The following GUCY1B1 variants were observed in gnomAD, a reference collection of about 807,000 sequenced individuals.
GUCY1B1 encodes the protein guanylate cyclase 1 soluble subunit beta 1, also known as guanylate cyclase soluble subunit beta-1.
Under a neutral mutation model 71.0 loss-of-function variants are expected in GUCY1B1, and 43 were observed. That is an observed-to-expected ratio of 0.61 (90% CI 0.47 to 0.78). GUCY1B1 has a LOEUF of 0.78. Ranked by LOEUF, GUCY1B1 falls within the 30% of genes least tolerant of loss-of-function variation. The pLI is 0.00. For missense variants in GUCY1B1, 535 were observed against 754.1 expected, an observed-to-expected ratio of 0.71 and a Z score of 3.40; for synonymous variants, 266 against 259.7, an observed-to-expected ratio of 1.02 and a Z score of -0.23.
chr4:155,785,372 A>G (rs1438724235), intron 4 of GUCY1B1: 5 of 866,448 alleles, frequency 5.8e-6, no homozygotes, highest in Non-Finnish European at 5.5e-6. Flanking sequence ...ACTTTCATAC[A>G]TATGGACATA....
chr4:155,766,234 T>C (rs1737324992), intron 2 of GUCY1B1, among the ~76,000 whole-genome samples: 1 of 152,222 alleles, frequency 6.6e-6, no homozygotes, highest in African/African-American at 2.4e-5. Context: ...CATGGTGACA[T>C]ATTCAACTAC....
intron 2 of GUCY1B1, among the ~76,000 whole-genome samples, chr4:155,769,169 C>G (rs182381244): frequency 2.8e-4 from 42 of 152,168 alleles, no homozygotes; most frequent in African/African-American, 9.9e-4. Context: ...TTCTGCTAAC[C>G]AACACAATGA....
intron 4 of GUCY1B1, among the ~76,000 whole-genome samples, chr4:155,786,822 G>A (rs1738831200): frequency 6.6e-6 from 1 of 151,752 alleles, no homozygotes; most frequent in Non-Finnish European, 1.5e-5. Context: ...TGGCCAGGCT[G>A]GTTCTCGAAC....
In GUCY1B1 at chr4:155,799,130, C is replaced by A. The variant is rs1739769521; in HGVS notation, c.978-747C>A. 3.3e-5 allele frequency among the ~76,000 whole-genome samples: 5 copies of A among 152,230 alleles called. No individual in the cohort carries two copies. In the South Asian group the frequency reaches 1.0e-3, roughly 32 times the overall value. On this transcript the variant is annotated intron_variant, in intron 8 of 13. Transcript: ENST00000264424. ...GGATTACAGATGTGAGCCACTGTGC[C>A]CAGCCTCAAAGAGTACATTTTTAAA...
chr4:155,788,323 G>A (rs1196964903), intron 4 of GUCY1B1, among the ~76,000 whole-genome samples: 1 of 152,170 alleles, frequency 6.6e-6, no homozygotes, highest in Non-Finnish European at 1.5e-5. Flanking sequence ...TAAAGTCCTG[G>A]AGACCTCTCT....
chr4:155,769,808 G>A (rs747266771), intron 2 of GUCY1B1, among the ~76,000 whole-genome samples: 2 of 151,990 alleles, frequency 1.3e-5, no homozygotes, highest in Non-Finnish European at 2.9e-5. Flanking sequence ...TTTCTCACAT[G>A]TAAAATAAGT....
At position 155,804,677 on chromosome 4, in the gene GUCY1B1, G is replaced by C. The variant is rs1196769265; in HGVS notation, c.1639G>C (p.Val547Leu). 6.2e-7 allele frequency: 1 copy of C among 1,613,310 alleles called. No individual in the cohort carries two copies. The highest frequency in any genetic ancestry group is 8.5e-7 in the Non-Finnish European group (1 of 1,179,450). ...TCGATACTGTCTTTTTGGGAATACT[G>C]TCAACCTCACAAGCCGAACAGAAAC... is the stretch of plus-strand genomic sequence containing the variant. ...MPRYCLFGNTVNLTSRTETTG... is the reference protein window; with the variant it reads ...MPRYCLFGNTLNLTSRTETTG... The change falls in exon 12 of 14, where the codon GTC (valine) becomes CTC (leucine). Residue 547 changes from valine (V) to leucine (L), a missense_variant. Physicochemically the swap from Val to Leu is conservative, Grantham distance 32. Coordinates refer to ENST00000264424, the MANE Select transcript of GUCY1B1 (RefSeq NM_000857.5).
chr4:155,787,289 ACATGGCAATAGCAGCCTCTAGAGG>A (rs1296968671), intron 4 of GUCY1B1, among the ~76,000 whole-genome samples: 1 of 152,212 alleles, frequency 6.6e-6, no homozygotes, highest in Non-Finnish European at 1.5e-5. Context: ...GATTACTTTT[ACATGGCAATAGCAGCCTCTAGAGG>A]CAATCCGGAT....
At chr4:155,785,487 C>T (rs564765400) in intron 4 of GUCY1B1, among the ~76,000 whole-genome samples, 1 of 151,906 alleles carries the variant, frequency 6.6e-6, no homozygotes, top group Admixed American at 6.6e-5. Context: ...CTCTTATTCC[C>T]CAGAATACAT....
chr4:155,804,441 G>T (rs1182282350), intron 11 of GUCY1B1, among the ~76,000 whole-genome samples, 152 bp from the exon 12 acceptor site: 1 of 151,814 alleles, frequency 6.6e-6, no homozygotes, highest in African/African-American at 2.4e-5. Context: ...ATAATGGGTT[G>T]ATAGGTGCAG....
intron 3 of GUCY1B1, among the ~76,000 whole-genome samples, chr4:155,775,782 G>T (rs1738002340): frequency 6.6e-6 from 1 of 151,604 alleles, no homozygotes; most frequent in Non-Finnish European, 1.5e-5. Context: ...ATGAAACTGA[G>T]ATCTACCACA....
chr4:155,771,672 A>G (rs1737701132), intron 2 of GUCY1B1, among the ~76,000 whole-genome samples: 2 of 152,192 alleles, frequency 1.3e-5, no homozygotes, highest in African/African-American at 2.4e-5. Flanking sequence ...TAAGGTATCC[A>G]TATCCGTCAA....
At chr4:155,781,322 T>A (rs1024585975) in intron 4 of GUCY1B1, among the ~76,000 whole-genome samples, 4 of 152,196 alleles carry the variant, frequency 2.6e-5, no homozygotes, top group African/African-American at 9.6e-5. Flanking sequence ...TATCTGTAGC[T>A]TAGCTCCAGA....
At chr4:155,806,267 A>T in intron 13 of GUCY1B1, 119 bp from the exon 14 acceptor site, 1 of 607,072 alleles carries the variant, frequency 1.6e-6, no homozygotes, top group Non-Finnish European at 2.9e-6. Flanking sequence ...GGAATGATTT[A>T]CAGAAACTGT....
At chr4:155,785,943 G>A (rs1738731241) in intron 4 of GUCY1B1, among the ~76,000 whole-genome samples, 1 of 152,088 alleles carries the variant, frequency 6.6e-6, no homozygotes, top group African/African-American at 2.4e-5. Flanking sequence ...AGACAGAAAA[G>A]GTGAACATTC....
At position 155,807,440 on chromosome 4, in the gene GUCY1B1, T is replaced by G. The variant is rs939601463; in HGVS notation, c.*1031T>G. On this transcript the variant is annotated 3_prime_UTR_variant, in exon 14 of 14. Coordinates refer to ENST00000264424, the MANE Select transcript of GUCY1B1 (RefSeq NM_000857.5). ...GCTCTTAAATGTCTCTGATAACTTA[T>G]TAATATCTATCTTTATAAAATAGAG... 1.3e-5 allele frequency: 2 copies of G among 152,312 alleles called. No individual in the cohort carries two copies. Among genetic ancestry groups the G allele is most frequent in the Middle Eastern group, 3.4e-3 (1 of 294 alleles). The allele number at this position is 152,312 out of a possible 1,614,324, so 9.4% of individuals were successfully genotyped here. A position where few individuals can be genotyped will look rare whatever the true frequency, so the allele number is the denominator to read the frequency against.
chr4:155,775,087 T>A lies in GUCY1B1; in HGVS notation c.178+19T>A. 1.5e-6 allele frequency: 2 copies of A among 1,319,830 alleles called. No homozygotes were observed. The highest frequency in any genetic ancestry group is 1.4e-5 in the African/African-American group (1 of 69,542). 81.8% of individuals were successfully genotyped at this position (1,319,830 alleles called of 1,614,324 possible). A position where few individuals can be genotyped will look rare whatever the true frequency, so the allele number is the denominator to read the frequency against. Reference sequence around the variant, plus strand: ...GTCCTCAGTAAGTTGAATGCAACTTTCCTTCTTTGGCCAAGTTACACGTAG... The same window carrying A: ...GTCCTCAGTAAGTTGAATGCAACTTACCTTCTTTGGCCAAGTTACACGTAG... On this transcript the variant is annotated intron_variant, in intron 3 of 13. Transcript: ENST00000264424.
intron 8 of GUCY1B1, among the ~76,000 whole-genome samples, chr4:155,797,026 G>A (rs928709534): frequency 8.5e-5 from 13 of 152,194 alleles, no homozygotes; most frequent in African/African-American, 2.4e-4. Context: ...CAATTAAAAT[G>A]TATGTAAAAT....
At position 155,801,180 on chromosome 4, in the gene GUCY1B1, G is replaced by A. The variant is rs1542464; in HGVS notation, c.1175+1106G>A. ...TGGGAGTTGCTGGGAGTTAAACAGC[G>A]GCCTTGTCTTTAATACGAGTAGCTG... On this transcript the variant is annotated intron_variant, in intron 9 of 13. Coordinates refer to ENST00000264424, the MANE Select transcript of GUCY1B1 (RefSeq NM_000857.5). 1.4e-3 allele frequency among the ~76,000 whole-genome samples: 217 copies of A among 152,232 alleles called. 2 individuals carry two copies. Among genetic ancestry groups the A allele is most frequent in the African/African-American group, 4.9e-3 (205 of 41,542 alleles).
Sources: gnomAD v4.1 joint callset for allele counts (sites outside exome capture counted in the v4.1 genomes callset) on GRCh38, gnomAD v4.1.1 for gene constraint, MANE v1.5 for transcripts, NCBI Gene and HGNC (gene_info 2026-07-23, HGNC 2026-07-21) for gene names.